The following KAT2B variants were observed in gnomAD, a reference collection of about 807,000 sequenced individuals.
The protein encoded by KAT2B is lysine acetyltransferase 2B, also known as histone acetyltransferase KAT2B.
Under a neutral mutation model 105.9 loss-of-function variants are expected in KAT2B, and 36 were observed. The observed-to-expected ratio is 0.34, with a 90% CI of 0.26 to 0.45. KAT2B has a LOEUF of 0.45. Ranked by LOEUF, KAT2B falls within the 20% of genes least tolerant of loss-of-function variation. KAT2B has a pLI of 1.00. For synonymous variants in KAT2B, 397 were observed against 377.9 expected, an observed-to-expected ratio of 1.05 and a Z score of -0.59; for missense variants, 820 against 1,021.6, an observed-to-expected ratio of 0.80 and a Z score of 2.69.
chr3:20,062,746 G>A (rs1698159884), intron 1 of KAT2B, among the ~76,000 whole-genome samples: 1 of 151,918 alleles, frequency 6.6e-6, no homozygotes, highest in Non-Finnish European at 1.5e-5. Context: ...ACAGGCGTGA[G>A]TCACCGTGCC....
At chr3:20,047,218 G>T (rs756414770) in intron 1 of KAT2B, among the ~76,000 whole-genome samples, 7 of 151,554 alleles carry the variant, frequency 4.6e-5, no homozygotes, top group Non-Finnish European at 8.8e-5. Context: ...CGTCACCATG[G>T]CCGGCTAATT....
chr3:20,075,350 G>GT (rs968562694), intron 2 of KAT2B, among the ~76,000 whole-genome samples: 27 of 149,368 alleles, frequency 1.8e-4, no homozygotes, highest in African/African-American at 2.5e-4. Context: ...AGATGTGTGG[G>GT]TTTTTTTTTT....
chr3:20,137,244 A>T (rs1699618284), intron 12 of KAT2B, among the ~76,000 whole-genome samples, 192 bp downstream of exon 12: 1 of 152,258 alleles, frequency 6.6e-6, no homozygotes, highest in South Asian at 2.1e-4. Flanking sequence ...TAAGTATTGA[A>T]TAACTATTTG....
chr3:20,092,250 A>G (rs1698732964), intron 2 of KAT2B, among the ~76,000 whole-genome samples: 1 of 62,534 alleles, frequency 1.6e-5, no homozygotes, highest in East Asian at 2.8e-4. Context: ...TTTATTTGAG[A>G]TGGAGTGTTG....
intron 4 of KAT2B, 142 bp downstream of exon 4, chr3:20,100,096 GGCTTT>G: frequency 1.7e-6 from 1 of 587,780 alleles, no homozygotes; most frequent in Non-Finnish European, 3.1e-6. Flanking sequence ...TTGTCCTGGA[GGCTTT>G]GGATCAGAGG....
intron 9 of KAT2B, 128 bp downstream of exon 9, chr3:20,122,932 C>T: frequency 7.2e-7 from 1 of 1,391,442 alleles, no homozygotes; most frequent in Non-Finnish European, 9.3e-7. Context: ...TGCATTTAAC[C>T]TGGTGGTCAG....
intron 1 of KAT2B, among the ~76,000 whole-genome samples, chr3:20,051,787 T>G (rs1342473289): frequency 6.6e-6 from 1 of 152,278 alleles, no homozygotes; most frequent in Non-Finnish European, 1.5e-5. Context: ...ATTTAATGGC[T>G]GATTCATTTG....
chr3:20,091,120 A>G (rs1559309750), intron 2 of KAT2B, among the ~76,000 whole-genome samples: 2 of 152,140 alleles, frequency 1.3e-5, no homozygotes, highest in Admixed American at 1.3e-4. Context: ...CCTTGAAGCC[A>G]TCAGGTCCTG....
intron 8 of KAT2B, among the ~76,000 whole-genome samples, chr3:20,121,996 T>C (rs1465246696): frequency 6.6e-6 from 1 of 152,104 alleles, no homozygotes; most frequent in African/African-American, 2.4e-5. Flanking sequence ...TAATGCAAAC[T>C]GATTTCCGTA....
intron 1 of KAT2B, among the ~76,000 whole-genome samples, chr3:20,059,792 T>C (rs150235546): frequency 2.3e-4 from 35 of 152,334 alleles, no homozygotes; most frequent in African/African-American, 7.9e-4. Flanking sequence ...AATTCAATGA[T>C]TTTTAAGAAA....
At chr3:20,047,759 A>G (rs1697840374) in intron 1 of KAT2B, among the ~76,000 whole-genome samples, 1 of 151,832 alleles carries the variant, frequency 6.6e-6, no homozygotes, top group Non-Finnish European at 1.5e-5. Context: ...ATTACAGGCA[A>G]GTGCCACCAT....
At chr3:20,099,210 G>T (rs1323801302) in intron 3 of KAT2B, among the ~76,000 whole-genome samples, 1 of 152,150 alleles carries the variant, frequency 6.6e-6, no homozygotes, top group Non-Finnish European at 1.5e-5. Context: ...TGTGGGCATT[G>T]AGATGCCAGA....
chr3:20,079,950 A>T (rs1575121159), intron 2 of KAT2B, among the ~76,000 whole-genome samples: 3 of 152,258 alleles, frequency 2.0e-5, no homozygotes, highest in African/African-American at 7.2e-5. Flanking sequence ...GGTATAAGTT[A>T]TGTCTCCCTG....
At chr3:20,129,990 A>G (rs946901756) in intron 11 of KAT2B, among the ~76,000 whole-genome samples, 2 of 151,694 alleles carry the variant, frequency 1.3e-5, no homozygotes, top group Non-Finnish European at 2.9e-5. Context: ...TATTATTATT[A>G]TTATTTTGAG....
chr3:20,137,058 T>C lies in KAT2B; in HGVS notation c.1860+6T>C. On this transcript the variant is annotated splice_donor_region_variant and intron_variant, in intron 12 of 17. Coordinates refer to ENST00000263754, the MANE Select transcript of KAT2B (RefSeq NM_003884.5). ...TTGGATACTTTAAGAAACAGGTTGG[T>C]TTCTCACCACGCAACACTGTTTTGT... 7.2e-7 allele frequency: 1 copy of C among 1,389,360 alleles called. No homozygotes were observed. Among genetic ancestry groups the C allele is most frequent in the Non-Finnish European group, 1.0e-6 (1 of 975,144 alleles). The allele number at this position is 1,389,360 out of a possible 1,614,324, so 86.1% of individuals were successfully genotyped here. A position where few individuals can be genotyped will look rare whatever the true frequency, so the allele number is the denominator to read the frequency against.
intron 1 of KAT2B, among the ~76,000 whole-genome samples, chr3:20,050,014 A>G (rs1697887242): frequency 6.6e-6 from 1 of 152,172 alleles, no homozygotes; most frequent in South Asian, 2.1e-4. Context: ...AGCCTGGGCA[A>G]CACGGTGAGA....
At chr3:20,101,211 C>A in intron 4 of KAT2B, 76 bp from the exon 5 acceptor site, 3 of 1,188,638 alleles carry the variant, frequency 2.5e-6, no homozygotes, top group Non-Finnish European at 3.6e-6. Context: ...AACCACCAAT[C>A]ATGCTGGCTG....
intron 2 of KAT2B, among the ~76,000 whole-genome samples, chr3:20,073,638 T>C (rs1409153466): frequency 6.6e-6 from 1 of 152,252 alleles, no homozygotes; most frequent in Non-Finnish European, 1.5e-5. Flanking sequence ...ATGTGAGCTC[T>C]GAGTTTTGAA....
chr3:20,128,789 C>T (rs1352293408), intron 11 of KAT2B, among the ~76,000 whole-genome samples: 1 of 152,014 alleles, frequency 6.6e-6, no homozygotes, highest in Non-Finnish European at 1.5e-5. Context: ...GGGTGGATCT[C>T]CTGAGATCAG....
Sources: allele counts gnomAD v4.1 joint callset (sites outside exome capture counted in the v4.1 genomes callset), GRCh38; gene constraint gnomAD v4.1.1; transcripts MANE v1.5; gene names NCBI Gene and HGNC (gene_info 2026-07-23, HGNC 2026-07-21).